Variants in PRAMEF2 observed in about 807,000 individuals in gnomAD.
The protein encoded by PRAMEF2 is PRAME family member 2.
In PRAMEF2, 35 loss-of-function variants were observed where a neutral mutation model predicts 38.0. The observed-to-expected ratio is 0.92, with a 90% CI of 0.70 to 1.22. The LOEUF (loss-of-function observed/expected upper bound fraction) is 1.22. Among genes scored for constraint, PRAMEF2 ranks in the 50% most tolerant of loss-of-function variants. The pLI, the probability that PRAMEF2 is intolerant of heterozygous loss-of-function variation, is 0.00. For synonymous variants in PRAMEF2, 240 were observed against 232.4 expected, an observed-to-expected ratio of 1.03 and a Z score of -0.30; for missense variants, 562 against 553.9, an observed-to-expected ratio of 1.01 and a Z score of -0.15.
rs1238022629 is a variant in PRAMEF2 at position 12,859,270 on chromosome 1, G to A, written c.261G>A (p.Met87Ile). ...PLKALLEGLH[M>I]LLTQKDRPRR... is the part of the protein sequence containing the mutation. ...AAGCATTGCTGGAAGGGCTTCATAT[G>A]CTGCTTACACAGAAGGATCGCCCCA... is the stretch of plus-strand genomic sequence containing the variant. Residue 87 changes from methionine to isoleucine, a missense_variant, in exon 2 of 4, where the codon ATG (methionine) becomes ATA (isoleucine). Met to Ile is a conservative substitution (Grantham distance 10). Around this residue, in one of 2 missense-constraint regions of PRAMEF2, gnomAD observed 486 missense variants for 444.2 expected, o/e 1.09. Coordinates refer to ENST00000240189, the MANE Select transcript of PRAMEF2 (RefSeq NM_023014.1). 5 of 1,610,194 alleles carry A rather than the reference G, an allele frequency of 3.1e-6. No individual in the cohort carries two copies. The Admixed American group carries it at 5.1e-5, about 17-fold the overall frequency.
intron 1 of PRAMEF2, among the ~76,000 whole-genome samples, chr1:12,858,485 G>A (rs1970410): frequency 0.47 from 70,556 of 148,978 alleles, 17,784 homozygotes; most frequent in East Asian, 0.54. Flanking sequence ...TTACAGACAT[G>A]AGCCACAGCA....
chr1:12,861,331 A>T lies in PRAMEF2; in HGVS notation c.977A>T (p.Asn326Ile). 1 of 1,606,928 alleles carries T rather than the reference A, an allele frequency of 6.2e-7. No homozygotes were observed. Among genetic ancestry groups the T allele is most frequent in the South Asian group, 1.1e-5 (1 of 90,510 alleles). ...FPSLGYLKHL[N>I]LSYVLLFRIS... The stretch of plus-strand genomic sequence containing the variant: ...AGCCTCGGTTACCTAAAGCATCTGA[A>T]TCTCAGCTACGTGCTGCTGTTCCGC... The change falls in exon 4 of 4, where the codon AAT (asparagine) becomes ATT (isoleucine). Residue 326 changes from asparagine to isoleucine, a missense_variant. Transcript: ENST00000240189.
Position 12,861,390 on chromosome 1 carries a change from A to G in PRAMEF2, c.1036A>G (p.Lys346Glu). The G allele has an allele frequency of 6.2e-7, 1 of 1,604,020 alleles. No individual in the cohort carries two copies. The highest frequency in any genetic ancestry group is 8.5e-7 in the Non-Finnish European group (1 of 1,174,878). ...SLEPLGALLEKIAASLETLVL... is the reference protein window; with the variant it reads ...SLEPLGALLEEIAASLETLVL... Reference sequence around the variant, plus strand: ...TGAACCCCTAGGAGCTCTGCTAGAGAAAATTGCTGCCTCTCTCGAGACCCT... The same window carrying G: ...TGAACCCCTAGGAGCTCTGCTAGAGGAAATTGCTGCCTCTCTCGAGACCCT... The change falls in exon 4 of 4, where the codon AAA (lysine) becomes GAA (glutamate). Residue 346 changes from lysine (K) to glutamate (E), a missense_variant. By Grantham distance (56) the Lys-to-Glu change is moderately conservative. Around this residue, in one of 2 missense-constraint regions of PRAMEF2, gnomAD observed 486 missense variants for 444.2 expected, o/e 1.09. Coordinates refer to ENST00000240189, the MANE Select transcript of PRAMEF2 (RefSeq NM_023014.1).
rs576473986 is a variant in PRAMEF2, at chr1:12,857,948, C to T, written c.-26+801C>T. 1.4e-5 allele frequency among the ~76,000 whole-genome samples: 2 copies of T among 146,350 alleles called. 1 individual carries two copies. Among genetic ancestry groups the T allele is most frequent in the Non-Finnish European group, 3.0e-5 (2 of 66,094 alleles). ...TCCTGACCTCAGGAGATCTGCCCCC[C>T]TCAGACTCCCAAAGTGCTGGGATTA... On this transcript the variant is annotated intron_variant, in intron 1 of 3. Coordinates refer to ENST00000240189, the MANE Select transcript of PRAMEF2 (RefSeq NM_023014.1).
chr1:12,859,637 A>G, intron 2 of PRAMEF2, 56 bp from the exon 3 acceptor site: 1 of 1,601,072 alleles, frequency 6.2e-7, no homozygotes, highest in African/African-American at 1.3e-5. Flanking sequence ...GAATGAAAGC[A>G]AAGGTCAGGG....
chr1:12,861,323 G>T lies in PRAMEF2; in HGVS notation c.969G>T (p.Lys323Asn). 1 of 1,607,044 alleles carries T rather than the reference G, an allele frequency of 6.2e-7. No homozygotes were observed. The highest frequency in any genetic ancestry group is 1.1e-5 in the South Asian group (1 of 90,534). ...AGTTCCCAAGCCTCGGTTACCTAAAGCATCTGAATCTCAGCTACGTGCTGC... is the reference window on the plus strand; with the variant it reads ...AGTTCCCAAGCCTCGGTTACCTAAATCATCTGAATCTCAGCTACGTGCTGC... Reference protein sequence around the residue: ...LSQFPSLGYLKHLNLSYVLLF... With the variant: ...LSQFPSLGYLNHLNLSYVLLF... The change falls in exon 4 of 4, where the codon AAG (lysine) becomes AAT (asparagine). Residue 323 changes from lysine to asparagine, a missense_variant. Coordinates refer to ENST00000240189, the MANE Select transcript of PRAMEF2 (RefSeq NM_023014.1).
At chr1:12,860,556 A>C (rs1194377146) in intron 3 of PRAMEF2, among the ~76,000 whole-genome samples, 5 of 149,754 alleles carry the variant, frequency 3.3e-5, no homozygotes, top group Non-Finnish European at 7.4e-5. Context: ...GCACGTGTGA[A>C]TTTCCTGTTA....
chr1:12,861,497 C>G lies in PRAMEF2; in HGVS notation c.1143C>G (p.Thr381=), dbSNP rs774880806. 6.2e-7 allele frequency: 1 copy of G among 1,606,242 alleles called. No individual in the cohort carries two copies. The highest frequency in any genetic ancestry group is 2.2e-5 in the East Asian group (1 of 44,752). The change falls in exon 4 of 4, where the codon ACC becomes ACG. Residue 381 remains threonine (T), a synonymous_variant. Transcript: ENST00000240189. ...TGAGCTGCTGCTCCCAGCTCACCAC[C>G]TTCTACTTTGGCAGCAATTGCATGT... ...PGLSCCSQLT[T]FYFGSNCMSI...
intron 3 of PRAMEF2, among the ~76,000 whole-genome samples, chr1:12,860,628 G>C (rs1401167941): frequency 6.7e-6 from 1 of 149,874 alleles, no homozygotes; most frequent in Non-Finnish European, 1.5e-5. Context: ...TGAAAGGAGG[G>C]AAAGCGCATC....
rs775365832 is a variant in PRAMEF2 at position 12,861,625 on chromosome 1, G to A, written c.1271G>A (p.Arg424His). 5.0e-6 allele frequency: 8 copies of A among 1,602,466 alleles called. No individual in the cohort carries two copies. Among genetic ancestry groups the A allele is most frequent in the East Asian group, 4.5e-5 (2 of 44,700 alleles). The change falls in exon 4 of 4, where the codon CGT becomes CAT. Residue 424 changes from arginine to histidine, a missense_variant. Around this residue, in one of 2 missense-constraint regions of PRAMEF2, gnomAD observed 76 missense variants for 109.6 expected, o/e 0.69. Coordinates refer to ENST00000240189, the MANE Select transcript of PRAMEF2 (RefSeq NM_023014.1). Reference protein sequence around the residue: ...APEESLNSLVRVNWEIFTPLR... With the variant: ...APEESLNSLVHVNWEIFTPLR... ...GAGGAGAGTTTGAATTCCTTGGTTC[G>A]TGTCAATTGGGAGATCTTCACCCCA... is the stretch of plus-strand genomic sequence containing the variant.
At chr1:12,858,756 T>G (rs764472134) in intron 1 of PRAMEF2, among the ~76,000 whole-genome samples, 1 of 149,594 alleles carries the variant, frequency 6.7e-6, no homozygotes, top group Non-Finnish European at 1.5e-5. Context: ...AGGATGAAAA[T>G]TAATGGGTCA....
At position 12,861,793 on chromosome 1, in the gene PRAMEF2, A is replaced by T. The variant is rs1171172773; in HGVS notation, c.*14A>T. ...CTTTGCTGCTAGGGAAGGCGTGCCC[A>T]GTGGGGTAGAGAAATCCAAAGTTCT... On this transcript the variant is annotated 3_prime_UTR_variant, in exon 4 of 4. Transcript: ENST00000240189. The T allele has an allele frequency of 8.9e-6, 14 of 1,581,754 alleles. No homozygotes were observed. The highest frequency in any genetic ancestry group is 2.3e-4 in the Middle Eastern group (1 of 4,298).
chr1:12,858,202 C>A (rs1640477519), intron 1 of PRAMEF2, among the ~76,000 whole-genome samples: 1 of 149,814 alleles, frequency 6.7e-6, no homozygotes, highest in Non-Finnish European at 1.5e-5. Flanking sequence ...TCCAGAGTAG[C>A]TAGGATTACA....
Position 12,858,971 on chromosome 1 carries a change from G to C in PRAMEF2, c.-25-14G>C. 1 of 1,590,602 alleles carries C rather than the reference G, an allele frequency of 6.3e-7. No homozygotes were observed. The highest frequency in any genetic ancestry group is 8.5e-7 in the Non-Finnish European group (1 of 1,169,932). On this transcript the variant is annotated splice_polypyrimidine_tract_variant and intron_variant, in intron 1 of 3. Coordinates refer to ENST00000240189, the MANE Select transcript of PRAMEF2 (RefSeq NM_023014.1). ...CCCTGAGAGTGATACATTCTCCCTG[G>C]ATTTGTCTTCTAGAGATTTTTCTTG...
In PRAMEF2 at chr1:12,859,957, G is replaced by T. The variant is rs201502075; in HGVS notation, c.552G>T (p.Lys184Asn). ...RRGLVHLCCS[K>N]LVNYLTPIKY... ...GTTTAGTACACCTGTGCTGTAGTAAGCTGGTCAATTATCTAACGCCAATTA... is the reference window on the plus strand; with the variant it reads ...GTTTAGTACACCTGTGCTGTAGTAATCTGGTCAATTATCTAACGCCAATTA... Residue 184 changes from lysine to asparagine, a missense_variant, in exon 3 of 4, where the codon AAG becomes AAT. Around this residue, in one of 2 missense-constraint regions of PRAMEF2, gnomAD observed 486 missense variants for 444.2 expected, o/e 1.09. Coordinates refer to ENST00000240189, the MANE Select transcript of PRAMEF2 (RefSeq NM_023014.1). 1.9e-6 allele frequency: 3 copies of T among 1,572,600 alleles called. No homozygotes were observed. Among genetic ancestry groups the T allele is most frequent in the Non-Finnish European group, 2.6e-6 (3 of 1,154,210 alleles).
At position 12,861,756 on chromosome 1, in the gene PRAMEF2, C is replaced by G; in HGVS notation, c.1402C>G (p.Leu468Val). 6.3e-7 allele frequency: 1 copy of G among 1,594,448 alleles called. No homozygotes were observed. The highest frequency in any genetic ancestry group is 8.5e-7 in the Non-Finnish European group (1 of 1,171,288). ...PSCGSSPSEELELHLCC is the reference protein window; with the variant it reads ...PSCGSSPSEEVELHLCC ...CTGTGGCTCATCACCGTCTGAGGAA[C>G]TGGAGCTCCATCTTTGCTGCTAGGG... Residue 468 changes from leucine to valine, a missense_variant, in exon 4 of 4, where the codon CTG (leucine) becomes GTG (valine). Around this residue, in one of 2 missense-constraint regions of PRAMEF2, gnomAD observed 76 missense variants for 109.6 expected, o/e 0.69. Coordinates refer to ENST00000240189, the MANE Select transcript of PRAMEF2 (RefSeq NM_023014.1).
In PRAMEF2 at chr1:12,859,067, G is replaced by T. The variant is rs768095492; in HGVS notation, c.58G>T (p.Asp20Tyr). 10 of 1,603,998 alleles carry T rather than the reference G, an allele frequency of 6.2e-6. No individual in the cohort carries two copies. The South Asian group carries it at 6.6e-5, about 11-fold the overall frequency. Residue 20 changes from aspartate (D) to tyrosine (Y), a missense_variant, in exon 2 of 4, where the codon GAC becomes TAC. By Grantham distance (160) the Asp-to-Tyr change is radical (BLOSUM62 -3). Around this residue, in one of 2 missense-constraint regions of PRAMEF2, gnomAD observed 486 missense variants for 444.2 expected, o/e 1.09. Transcript: ENST00000240189. ...LELAGQSLLR[D>Y]QALSISAMEE... ...GCTGGCGGGGCAGAGCCTGCTGAGA[G>T]ACCAGGCCTTGTCCATCTCTGCCAT...
rs779898048 is a variant in PRAMEF2 at position 12,861,378 on chromosome 1, G to A, written c.1024G>A (p.Ala342Thr). 3.7e-6 allele frequency: 6 copies of A among 1,605,478 alleles called. No individual in the cohort carries two copies. The highest frequency in any genetic ancestry group is 3.4e-5 in the Admixed American group (2 of 58,064). ...CCGCATCAGTCTTGAACCCCTAGGA[G>A]CTCTGCTAGAGAAAATTGCTGCCTC... ...LFRISLEPLG[A>T]LLEKIAASLE... Residue 342 changes from alanine (A) to threonine (T), a missense_variant, in exon 4 of 4, where the codon GCT becomes ACT. Coordinates refer to ENST00000240189, the MANE Select transcript of PRAMEF2 (RefSeq NM_023014.1).
rs139022602 is a variant in PRAMEF2, at chr1:12,861,233, C to G, written c.879C>G (p.Asn293Lys). The G allele has an allele frequency of 4.1e-3, 6,506 of 1,578,656 alleles. 377 individuals carry two copies. The highest frequency in any genetic ancestry group is 0.013 in the East Asian group (532 of 41,802). The stretch of plus-strand genomic sequence containing the variant: ...TTGATCTCCACAGGTGCCTCCAGAA[C>G]CCCTTGGAGAACTTGGAATTAACTT... ...HLEQLIRCLQ[N>K]PLENLELTCG... Residue 293 changes from asparagine (N) to lysine (K), a missense_variant, in exon 4 of 4, where the codon AAC becomes AAG. Asn to Lys is a moderately conservative substitution (Grantham distance 94). Around this residue, in one of 2 missense-constraint regions of PRAMEF2, gnomAD observed 486 missense variants for 444.2 expected, o/e 1.09. Transcript: ENST00000240189.
Sources: gnomAD v4.1 joint callset for allele counts (sites outside exome capture counted in the v4.1 genomes callset) on GRCh38, gnomAD v4.1.1 for gene constraint, gnomAD v4.1.1 regional missense constraint, MANE v1.5 for transcripts, NCBI Gene and HGNC (gene_info 2026-07-23, HGNC 2026-07-21) for gene names.